UBXN8: variants seen among roughly 807,000 people sequenced by gnomAD.
UBXN8 encodes UBX domain-containing protein 8.
In UBXN8, 27 loss-of-function variants were observed where a neutral mutation model predicts 32.1. That is an observed-to-expected ratio of 0.84 (90% confidence interval 0.62 to 1.16). The LOEUF is 1.16. Among genes scored for constraint, UBXN8 ranks in the 50% most tolerant of loss-of-function variants. The pLI is 0.00. For missense variants in UBXN8, 306 were observed against 311.4 expected (o/e 0.98, Z 0.13); for synonymous variants, 109 against 111.8 (o/e 0.98, Z 0.16).
rs184127062 is a variant in UBXN8 at position 30,757,900 on chromosome 8, T to A, written c.528+1013T>A. 7.3e-3 allele frequency among the ~76,000 whole-genome samples: 1,116 copies of A among 152,084 alleles called. 29 individuals carry two copies. Among genetic ancestry groups the A allele is most frequent in the Admixed American group, 0.05 (769 of 15,266 alleles). ...AAAGAATTGATATTTTTTCTTTGTTTTTTTGAGACAGAGTCTCACTCTGTC... is the reference window on the plus strand; with the variant it reads ...AAAGAATTGATATTTTTTCTTTGTTATTTTGAGACAGAGTCTCACTCTGTC... On this transcript the variant is annotated intron_variant, in intron 5 of 7. Coordinates refer to ENST00000265616, the MANE Select transcript of UBXN8 (RefSeq NM_005671.4).
At position 30,746,932 on chromosome 8, in the gene UBXN8, G is replaced by A. The variant is rs116687218; in HGVS notation, c.88+2655G>A. 9.3e-3 allele frequency among the ~76,000 whole-genome samples: 1,293 copies of A among 138,388 alleles called. 226 individuals carry two copies. Among genetic ancestry groups the A allele is most frequent in the African/African-American group, 0.035 (1,182 of 34,174 alleles). The allele number at this position is 138,388 out of a possible 152,430, so 90.8% of individuals were successfully genotyped here. On this transcript the variant is annotated intron_variant, in intron 1 of 7. Transcript: ENST00000265616. ...AGCACTCTGGGAGGCCGAGGCAGGC[G>A]AGTCATGAGGTCAAGTAATCGAGAC...
intron 5 of UBXN8, among the ~76,000 whole-genome samples, chr8:30,758,392 G>T (rs1805720129): frequency 6.6e-6 from 1 of 152,158 alleles, no homozygotes; most frequent in South Asian, 2.1e-4. Context: ...AGTCACTTTG[G>T]ATTAGTGCCC....
intron 1 of UBXN8, among the ~76,000 whole-genome samples, chr8:30,746,062 T>G (rs563085131): frequency 6.6e-6 from 1 of 152,330 alleles, no homozygotes; most frequent in East Asian, 1.9e-4. Flanking sequence ...GAAATATGCT[T>G]CTTGAAGGCA....
chr8:30,740,625 T>C (rs1805178650), upstream of UBXN8, among the ~76,000 whole-genome samples: 1 of 150,718 alleles, frequency 6.6e-6, no homozygotes, highest in Non-Finnish European at 1.5e-5. Flanking sequence ...CTCAGGAGGA[T>C]GAGGTGAGAT....
At chr8:30,765,578 G>A (rs1420428233) in intron 7 of UBXN8, among the ~76,000 whole-genome samples, 3 of 151,620 alleles carry the variant, frequency 2.0e-5, no homozygotes, top group African/African-American at 7.3e-5. Flanking sequence ...TTTTGAGACC[G>A]AGTCTTGCTC....
At chr8:30,747,103 C>T (rs1395952857) in intron 1 of UBXN8, among the ~76,000 whole-genome samples, 2 of 136,386 alleles carry the variant, frequency 1.5e-5, no homozygotes, top group Middle Eastern at 3.4e-3. Context: ...TGCAGTGAGC[C>T]GAGATCACAC....
intron 5 of UBXN8, among the ~76,000 whole-genome samples, chr8:30,759,453 T>G (rs1454810888): frequency 6.6e-6 from 1 of 151,174 alleles, no homozygotes; most frequent in East Asian, 2.0e-4. Flanking sequence ...CAGGCTGGTC[T>G]CAAACTCCTG....
At chr8:30,758,653 T>C (rs1055679147) in intron 5 of UBXN8, among the ~76,000 whole-genome samples, 1 of 152,224 alleles carries the variant, frequency 6.6e-6, no homozygotes, top group African/African-American at 2.4e-5. Context: ...AAGATCGATA[T>C]GAACTAAACG....
At chr8:30,744,435 C>A (rs560094328) in intron 1 of UBXN8, 158 bp downstream of exon 1, 13 of 697,542 alleles carry the variant, frequency 1.9e-5, no homozygotes, top group South Asian at 6.9e-5. Flanking sequence ...GAGCTGACTT[C>A]ACTTCGAGGA....
At chr8:30,755,991 T>G (rs1188174464) in intron 4 of UBXN8, 1 of 151,886 alleles carries the variant, frequency 6.6e-6, no homozygotes, top group Non-Finnish European at 1.5e-5. Context: ...AATATGAATT[T>G]TGTCAGTTTC....
chr8:30,736,004 A>G lies in UBXN8; in HGVS notation c.622+2696A>G, dbSNP rs1233217139. On this transcript the variant is annotated intron_variant, in intron 1 of 1. Coordinates refer to the UBXN8 transcript ENST00000522968. ...TGCAGGAAATAGTGGTACAGAAATAACTTTGCAAATACAGGTTGCTCAATA... is the reference window on the plus strand; with the variant it reads ...TGCAGGAAATAGTGGTACAGAAATAGCTTTGCAAATACAGGTTGCTCAATA... Among the ~76,000 whole-genome samples the G allele has an allele frequency of 3.3e-5, 5 of 152,234 alleles. No homozygotes were observed. In the East Asian group the frequency reaches 9.6e-4, roughly 29 times the overall value.
chr8:30,756,872 G>A lies in UBXN8; in HGVS notation c.513G>A (p.Gln171=), dbSNP rs1805677362. ...PLTEFPSPAE[Q]PTCKEIPDLP... is the part of the protein sequence containing the mutation. ...CTGAATTTCCGTCTCCTGCTGAACAGCCCACATGCAAGGAGGTAAAGTACT... is the reference window on the plus strand; with the variant it reads ...CTGAATTTCCGTCTCCTGCTGAACAACCCACATGCAAGGAGGTAAAGTACT... Residue 171 remains glutamine, a synonymous_variant, in exon 5 of 8, where the codon CAG becomes CAA. Coordinates refer to ENST00000265616, the MANE Select transcript of UBXN8 (RefSeq NM_005671.4). The A allele has an allele frequency of 1.2e-6, 2 of 1,613,966 alleles. No individual in the cohort carries two copies. Among genetic ancestry groups the A allele is most frequent in the Non-Finnish European group, 1.7e-6 (2 of 1,179,890 alleles).
In UBXN8 at chr8:30,761,794, G is replaced by A. The variant is rs555996004; in HGVS notation, c.570+865G>A. Among the ~76,000 whole-genome samples, 5 of 152,168 alleles carry A rather than the reference G, an allele frequency of 3.3e-5. No individual in the cohort carries two copies. The East Asian group carries it at 7.7e-4, about 24-fold the overall frequency. ...TTTCAAAGGAGAAAATGAAGAGGGC[G>A]ACTACTTTGTAGATGTTTTAATTTA... On this transcript the variant is annotated intron_variant, in intron 6 of 7. Transcript: ENST00000265616.
chr8:30,744,105 C>T, upstream of UBXN8: 2 of 1,336,680 alleles, frequency 1.5e-6, no homozygotes, highest in Non-Finnish European at 2.1e-6. Context: ...CCAGCCGGCC[C>T]GCGGCAAGAA....
intron 1 of UBXN8, among the ~76,000 whole-genome samples, chr8:30,751,043 C>T (rs560424229): frequency 6.6e-6 from 1 of 152,112 alleles, no homozygotes; most frequent in Non-Finnish European, 1.5e-5. Flanking sequence ...CATTTTATAT[C>T]AGGGACTTGA....
At chr8:30,744,061 G>C, upstream of UBXN8, 1 of 767,768 alleles carries the variant, frequency 1.3e-6, no homozygotes, top group Non-Finnish European at 2.2e-6. Flanking sequence ...ATAACGACAC[G>C]GCCGTCAGTA....
intron 2 of UBXN8, among the ~76,000 whole-genome samples, chr8:30,752,093 T>G (rs1293663975): frequency 6.6e-6 from 1 of 152,110 alleles, no homozygotes; most frequent in Non-Finnish European, 1.5e-5. Context: ...GGTTTCACCA[T>G]GTTTACCAGG....
At chr8:30,764,274 C>G (rs1175483904) in intron 7 of UBXN8, among the ~76,000 whole-genome samples, 1 of 152,134 alleles carries the variant, frequency 6.6e-6, no homozygotes, top group African/African-American at 2.4e-5. Flanking sequence ...AAAATTCCGG[C>G]CAGGTGCGGT....
chr8:30,761,071 T>G, intron 6 of UBXN8, 142 bp downstream of exon 6: 1 of 610,612 alleles, frequency 1.6e-6, no homozygotes, highest in Non-Finnish European at 2.7e-6. Flanking sequence ...AACTAGGTCT[T>G]TTTTAGAACA....
Sources: allele counts gnomAD v4.1 joint callset (sites outside exome capture counted in the v4.1 genomes callset), GRCh38; gene constraint gnomAD v4.1.1; transcripts MANE v1.5; gene names NCBI Gene and HGNC (gene_info 2026-07-23, HGNC 2026-07-21).